EPB41: variants seen among roughly 807,000 people sequenced by gnomAD.
The protein encoded by EPB41 is erythrocyte membrane protein band 4.1.
EPB41 carries 65 observed loss-of-function variants against 108.0 expected under a neutral mutation model. The observed-to-expected ratio is 0.60, with a 90% CI of 0.49 to 0.74. The LOEUF is 0.74. Among genes scored for constraint, EPB41 ranks in the 30% least tolerant of loss-of-function variants. The pLI is 0.00. For synonymous variants in EPB41, 336 were observed against 358.9 expected, an observed-to-expected ratio of 0.94 and a Z score of 0.72; for missense variants, 875 against 1,037.0, an observed-to-expected ratio of 0.84 and a Z score of 2.15.
intron 1 of EPB41, among the ~76,000 whole-genome samples, chr1:28,896,216 A>G (rs954935343): frequency 1.3e-5 from 2 of 152,248 alleles, no homozygotes; most frequent in Non-Finnish European, 2.9e-5. Context: ...CATTCAACAA[A>G]TAGTAGCAAT....
chr1:29,095,307 A>G (rs1662820131), intron 16 of EPB41, among the ~76,000 whole-genome samples: 1 of 152,220 alleles, frequency 6.6e-6, no homozygotes, highest in Non-Finnish European at 1.5e-5. Flanking sequence ...TTGTTTACAA[A>G]GAAACATTTC....
intron 1 of EPB41, among the ~76,000 whole-genome samples, chr1:28,922,416 A>G (rs2093159604): frequency 6.6e-6 from 1 of 151,918 alleles, no homozygotes; most frequent in Admixed American, 6.6e-5. Flanking sequence ...GGTTTTAAAG[A>G]TATCTTCTTC....
intron 1 of EPB41, among the ~76,000 whole-genome samples, chr1:28,918,259 G>C (rs556384082): frequency 8.3e-4 from 126 of 151,678 alleles, no homozygotes; most frequent in Non-Finnish European, 1.2e-3. Context: ...CACCATGTTG[G>C]CCAGGATGGT....
At position 29,018,675 on chromosome 1, in the gene EPB41, C is replaced by A. The variant is rs536561361; in HGVS notation, c.1124+233C>A. Among the ~76,000 whole-genome samples the A allele has an allele frequency of 2.0e-5, 3 of 152,148 alleles. No homozygotes were observed. The highest frequency in any genetic ancestry group is 4.4e-5 in the Non-Finnish European group (3 of 68,038). ...ACTAAATGAGGTAATATATGTAAAG[C>A]ACTTAGCACAGTGGCTGGCTCAGTG... On this transcript the variant is annotated intron_variant, in intron 7 of 20. Transcript: ENST00000343067. This position sits in a 1 kb window ranked among gnomAD's most constrained non-coding sequence, Gnocchi z 4.4.
intron 4 of EPB41, among the ~76,000 whole-genome samples, chr1:29,011,471 C>G (rs2096499786): frequency 6.6e-6 from 1 of 152,054 alleles, no homozygotes; most frequent in African/African-American, 2.4e-5. Context: ...TAGCTATCTA[C>G]TAGTCTTTAT....
intron 7 of EPB41, among the ~76,000 whole-genome samples, chr1:29,020,929 C>G (rs751492153): frequency 6.6e-6 from 1 of 152,152 alleles, no homozygotes; most frequent in Admixed American, 6.5e-5. Context: ...AGGCATGAAC[C>G]TCTGCGCCCG....
chr1:28,923,381 C>G (rs2093255391), intron 1 of EPB41, among the ~76,000 whole-genome samples: 1 of 152,086 alleles, frequency 6.6e-6, no homozygotes, highest in Non-Finnish European at 1.5e-5. Flanking sequence ...AGGTGTGAGC[C>G]ACTGCGCTTG....
chr1:28,909,405 C>T (rs1302172641), intron 1 of EPB41, among the ~76,000 whole-genome samples: 1 of 151,852 alleles, frequency 6.6e-6, no homozygotes, highest in Non-Finnish European at 1.5e-5. Flanking sequence ...GAGTTCAAAG[C>T]TACAGTGAGT....
At chr1:29,019,182 G>A (rs998862955) in intron 7 of EPB41, among the ~76,000 whole-genome samples, 1 of 152,104 alleles carries the variant, frequency 6.6e-6, no homozygotes, top group Non-Finnish European at 1.5e-5. Flanking sequence ...TTGGGAGGCC[G>A]AGGCAGGAGG....
intron 1 of EPB41, among the ~76,000 whole-genome samples, chr1:28,918,209 A>G (rs1291067358): frequency 2.0e-5 from 3 of 151,736 alleles, no homozygotes; most frequent in South Asian, 4.2e-4. Flanking sequence ...ACACCACCAC[A>G]CCCAGCTAAA....
chr1:28,947,911 G>A (rs1356662429), intron 1 of EPB41, among the ~76,000 whole-genome samples: 2 of 151,956 alleles, frequency 1.3e-5, no homozygotes, highest in African/African-American at 2.4e-5. Context: ...GCTAACCAGC[G>A]AAATTCTTTC....
intron 4 of EPB41, among the ~76,000 whole-genome samples, chr1:29,011,351 C>T (rs1047840035): frequency 2.7e-5 from 4 of 147,548 alleles, no homozygotes; most frequent in African/African-American, 5.0e-5. Flanking sequence ...GGCAATAGAG[C>T]GAGACTCCTT....
At chr1:28,943,988 A>G (rs570350120) in intron 1 of EPB41, among the ~76,000 whole-genome samples, 1 of 152,338 alleles carries the variant, frequency 6.6e-6, no homozygotes, top group South Asian at 2.1e-4. Context: ...ATAAATGGAT[A>G]AAGAAAATCT....
chr1:29,096,107 C>G (rs1205774372), intron 16 of EPB41: 4 of 964,790 alleles, frequency 4.1e-6, no homozygotes, highest in African/African-American at 1.8e-5. Flanking sequence ...TTCATTCTCC[C>G]ACTTATACCT....
intron 1 of EPB41, among the ~76,000 whole-genome samples, chr1:28,932,483 T>TA (rs2093799842): frequency 6.6e-6 from 1 of 151,344 alleles, no homozygotes; most frequent in African/African-American, 2.4e-5. Flanking sequence ...TTTTTTTTTT[T>TA]ATGCTTCTCT....
chr1:28,935,470 C>CCACA (rs1557725657), intron 1 of EPB41, among the ~76,000 whole-genome samples: 1 of 80,412 alleles, frequency 1.2e-5, no homozygotes. Context: ...CACACACACC[C>CCACA]CCCCCCCCCC....
At chr1:29,017,031 A>G (rs886559164) in intron 6 of EPB41, among the ~76,000 whole-genome samples, 1 of 152,176 alleles carries the variant, frequency 6.6e-6, no homozygotes, top group Non-Finnish European at 1.5e-5. Context: ...TCCTCAGTAC[A>G]TTCTTGAAGT....
At chr1:29,098,805 G>GT (rs1558305759) in intron 17 of EPB41, among the ~76,000 whole-genome samples, 1 of 151,598 alleles carries the variant, frequency 6.6e-6, no homozygotes. Context: ...GTGCAGTGGC[G>GT]TGATGATCTC....
chr1:29,003,732 G>T (rs1437746080), intron 4 of EPB41, among the ~76,000 whole-genome samples: 1 of 152,146 alleles, frequency 6.6e-6, no homozygotes, highest in Non-Finnish European at 1.5e-5. Context: ...TACTGACTGC[G>T]TGATAATGGG....
Sources: allele counts gnomAD v4.1 joint callset (sites outside exome capture counted in the v4.1 genomes callset), GRCh38; gene constraint gnomAD v4.1.1; non-coding constraint Gnocchi (gnomAD v3.1); transcripts MANE v1.5; gene names NCBI Gene and HGNC (gene_info 2026-07-23, HGNC 2026-07-21).